ITIH2: variants seen among roughly 807,000 people sequenced by gnomAD.
ITIH2 encodes inter-alpha-trypsin inhibitor heavy chain H2.
Under a neutral mutation model 104.4 loss-of-function variants are expected in ITIH2, and 103 were observed. The ratio of observed to expected loss-of-function variants is 0.99; its 90% CI spans 0.84 to 1.16. The LOEUF (loss-of-function observed/expected upper bound fraction) is 1.16, where lower values mean the gene tolerates loss of function less well. Among genes scored for constraint, ITIH2 ranks in the 50% most tolerant of loss-of-function variants. ITIH2 has a pLI of 0.00. For missense variants in ITIH2, 1,108 were observed against 1,162.4 expected, an observed-to-expected ratio of 0.95 and a Z score of 0.68; for synonymous variants, 436 against 435.4, an observed-to-expected ratio of 1.00 and a Z score of -0.02.
At chr10:7,743,351 G>T in intron 17 of ITIH2, 92 bp downstream of exon 17, 1 of 714,050 alleles carries the variant, frequency 1.4e-6, no homozygotes, top group Admixed American at 2.6e-5. Flanking sequence ...CAGCTTAATA[G>T]AAGTTCTATA....
chr10:7,707,603 T>C (rs1407577223), intron 3 of ITIH2, among the ~76,000 whole-genome samples: 1 of 152,218 alleles, frequency 6.6e-6, no homozygotes, highest in Non-Finnish European at 1.5e-5. Flanking sequence ...TTCACTTTTG[T>C]TGCCCAGGCT....
chr10:7,730,037 T>C lies in ITIH2; in HGVS notation c.1365T>C (p.Phe455=). The change falls in exon 12 of 21, where the codon TTT becomes TTC. Residue 455 remains phenylalanine, a synonymous_variant. Coordinates refer to ENST00000358415, the MANE Select transcript of ITIH2 (RefSeq NM_002216.3). Reference sequence around the variant, plus strand: ...CCTTGTTCAGTTTGGGCATGGGATTTGATGTGGACTATGATTTTTTGAAGA... The same window carrying C: ...CCTTGTTCAGTTTGGGCATGGGATTCGATGTGGACTATGATTTTTTGAAGA... ...NISLFSLGMG[F]DVDYDFLKRL... 1 of 1,612,786 alleles carries C rather than the reference T, an allele frequency of 6.2e-7. No individual in the cohort carries two copies. The highest frequency in any genetic ancestry group is 1.7e-5 in the Admixed American group (1 of 59,996).
chr10:7,705,250 G>A (rs1834735955), intron 2 of ITIH2, 68 bp downstream of exon 2: 1 of 1,065,110 alleles, frequency 9.4e-7, no homozygotes, highest in African/African-American at 1.6e-5. Flanking sequence ...GAAGACAAGT[G>A]TTAAGATGCC....
At chr10:7,730,567 T>C (rs1393594223) in intron 12 of ITIH2, among the ~76,000 whole-genome samples, 2 of 152,216 alleles carry the variant, frequency 1.3e-5, no homozygotes, top group African/African-American at 4.8e-5. Context: ...ATGCCTGTAA[T>C]CCCAGCTCTT....
chr10:7,732,322 A>G lies in ITIH2; in HGVS notation c.1648-16A>G, dbSNP rs1489153039. The G allele has an allele frequency of 6.2e-7, 1 of 1,609,226 alleles. No individual in the cohort carries two copies. Among genetic ancestry groups the G allele is most frequent in the East Asian group, 2.2e-5 (1 of 44,764 alleles). On this transcript the variant is annotated splice_polypyrimidine_tract_variant and intron_variant, in intron 13 of 20. Transcript: ENST00000358415. ...CTGTTACCCAGTGTCTCTCAACTGA[A>G]CCTTCCATCATCTAGGCTAACACGC...
At chr10:7,715,535 C>A (rs1238571511) in intron 5 of ITIH2, among the ~76,000 whole-genome samples, 1 of 152,188 alleles carries the variant, frequency 6.6e-6, no homozygotes, top group African/African-American at 2.4e-5. Flanking sequence ...CTTCTAGGCA[C>A]TGGAGATACG....
rs985221860 is a variant in ITIH2, at chr10:7,745,089, G to A, written c.2581+126G>A. The A allele has an allele frequency of 1.3e-5, 10 of 789,784 alleles. No individual in the cohort carries two copies. In the Admixed American group the frequency reaches 2.5e-4, roughly 20 times the overall value. The allele number at this position is 789,784 out of a possible 1,614,324, so 48.9% of individuals were successfully genotyped here. A position where few individuals can be genotyped will look rare whatever the true frequency, so the allele number is the denominator to read the frequency against. On this transcript the variant is annotated intron_variant, in intron 19 of 20. Transcript: ENST00000358415. ...CTCATGAGCACAGAGGACTAACATA[G>A]CAGTGTGGGGTCGCTCGGGAATGTG...
chr10:7,742,604 C>T (rs930713672), intron 16 of ITIH2, among the ~76,000 whole-genome samples: 8 of 152,076 alleles, frequency 5.3e-5, no homozygotes, highest in Admixed American at 5.2e-4. Flanking sequence ...ATTAGCTAGA[C>T]ATGGTGGCAC....
chr10:7,740,449 GA>G (rs1286602542), intron 16 of ITIH2, among the ~76,000 whole-genome samples: 1 of 152,176 alleles, frequency 6.6e-6, no homozygotes, highest in Non-Finnish European at 1.5e-5. Flanking sequence ...GATCATGCTG[GA>G]GGAGCAGTTG....
chr10:7,707,062 T>G (rs1044083446), intron 2 of ITIH2, 139 bp from the exon 3 acceptor site: 4 of 498,362 alleles, frequency 8.0e-6, no homozygotes, highest in Non-Finnish European at 1.4e-5. Context: ...TCAATATTTA[T>G]GTCTCAACTC....
At chr10:7,731,720 G>A (rs989340366) in intron 12 of ITIH2, 91 bp from the exon 13 acceptor site, 195 of 966,418 alleles carry the variant, frequency 2.0e-4, no homozygotes, top group African/African-American at 2.9e-4. Flanking sequence ...GTGAGACATC[G>A]TCTCAAAATA....
At chr10:7,735,318 G>A (rs182576973) in intron 15 of ITIH2, among the ~76,000 whole-genome samples, 189 of 152,218 alleles carry the variant, frequency 1.2e-3, no homozygotes, top group East Asian at 8.9e-3. Flanking sequence ...GAAAACCTGC[G>A]TACCCCTTCC....
intron 20 of ITIH2, among the ~76,000 whole-genome samples, chr10:7,747,758 G>T (rs1835193368): frequency 6.6e-6 from 1 of 152,072 alleles, no homozygotes; most frequent in Non-Finnish European, 1.5e-5. Flanking sequence ...AATTATCCAG[G>T]TGTAGTAGAT....
At chr10:7,731,639 T>C (rs1019745821) in intron 12 of ITIH2, among the ~76,000 whole-genome samples, 172 bp from the exon 13 acceptor site, 2 of 152,190 alleles carry the variant, frequency 1.3e-5, no homozygotes, top group East Asian at 3.9e-4. Context: ...GTGGGATAAT[T>C]GCTTGAACCC....
In ITIH2 at chr10:7,749,196, GAA is replaced by G; in HGVS notation, c.2705_2706del (p.Lys902ArgfsTer26). ...CCTTGCTTCCTTGCAGGGGCTTACA[GAA>G]AGACTACAGAACGGATCTAGTGTTT... ...QKLIITRGLQ[K>X]DYRTDLVFGT... On this transcript the variant is annotated frameshift_variant, in exon 21 of 21. Coordinates refer to ENST00000358415, the MANE Select transcript of ITIH2 (RefSeq NM_002216.3). LOFTEE classifies it high-confidence loss of function. 2 of 1,613,920 alleles carry G rather than the reference GAA, an allele frequency of 1.2e-6. No homozygotes were observed. The highest frequency in any genetic ancestry group is 2.7e-5 in the African/African-American group (2 of 75,034).
At chr10:7,748,892 GGA>G (rs1835207544) in intron 20 of ITIH2, among the ~76,000 whole-genome samples, 4 of 152,034 alleles carry the variant, frequency 2.6e-5, no homozygotes, top group Admixed American at 2.6e-4. Context: ...TCAACACTGT[GGA>G]GTCTTGTTCC....
intron 4 of ITIH2, among the ~76,000 whole-genome samples, chr10:7,712,753 C>G (rs1396923701): frequency 6.6e-6 from 1 of 152,192 alleles, no homozygotes; most frequent in East Asian, 1.9e-4. Context: ...CTTATAGACA[C>G]AAAATGATCA....
intron 6 of ITIH2, among the ~76,000 whole-genome samples, chr10:7,718,813 A>T (rs886661525): frequency 2.0e-5 from 3 of 152,138 alleles, no homozygotes; most frequent in African/African-American, 7.2e-5. Context: ...GTGGCCAATG[A>T]CAGGAGCTTG....
In ITIH2 at chr10:7,724,570, C is replaced by CAAAAA. The variant is rs374923183; in HGVS notation, c.984+1016_984+1020dup. On this transcript the variant is annotated intron_variant, in intron 9 of 20. Coordinates refer to ENST00000358415, the MANE Select transcript of ITIH2 (RefSeq NM_002216.3). ...GGGCAACAAGAGCGAAACTCCATCT[C>CAAAAA]AAAAAAAAAAAAAAAAAGAAGAGGA... Among the ~76,000 whole-genome samples the CAAAAA allele has an allele frequency of 2.1e-4, 11 of 51,842 alleles. 1 individual carries two copies. The highest frequency in any genetic ancestry group is 4.0e-4 in the African/African-American group (5 of 12,456). The allele number at this position is 51,842 out of a possible 152,430, so 34.0% of individuals were successfully genotyped here.
Sources: allele counts gnomAD v4.1 joint callset (sites outside exome capture counted in the v4.1 genomes callset), GRCh38; gene constraint gnomAD v4.1.1; transcripts MANE v1.5; gene names NCBI Gene and HGNC (gene_info 2026-07-23, HGNC 2026-07-21).